Variants in CLGN observed in about 807,000 individuals in gnomAD.
The protein encoded by CLGN is testis tissue sperm-binding protein Li 79P.
In CLGN, 62 loss-of-function variants were observed where a neutral mutation model predicts 79.1. That is an observed-to-expected ratio of 0.78 (90% CI 0.64 to 0.97). The LOEUF (loss-of-function observed/expected upper bound fraction) is 0.97. Ranked by LOEUF, CLGN falls within the 50% of genes least tolerant of loss-of-function variation. CLGN has a pLI of 0.00. For missense variants in CLGN, 647 were observed against 715.5 expected, an observed-to-expected ratio of 0.90 and a Z score of 1.09; for synonymous variants, 225 against 224.7, an observed-to-expected ratio of 1.00 and a Z score of -0.01.
intron 2 of CLGN, among the ~76,000 whole-genome samples, chr4:140,412,308 C>T (rs186325970): frequency 1.9e-3 from 285 of 152,262 alleles, no homozygotes; most frequent in Non-Finnish European, 2.1e-3. Context: ...TGCTTTCTCA[C>T]CACCAAAAAT....
intron 1 of CLGN, among the ~76,000 whole-genome samples, chr4:140,421,328 A>G (rs1384644889): frequency 6.6e-6 from 1 of 152,206 alleles, no homozygotes; most frequent in East Asian, 1.9e-4. Flanking sequence ...CATAAGTTGA[A>G]TTGCTTGGTC....
chr4:140,393,012 T>G (rs189254087), intron 11 of CLGN, among the ~76,000 whole-genome samples: 5 of 152,168 alleles, frequency 3.3e-5, no homozygotes, highest in African/African-American at 1.2e-4. Flanking sequence ...GAACTACCTT[T>G]TATGGATGTA....
At chr4:140,400,601 T>C (rs371712059) in intron 6 of CLGN, 52 bp from the exon 7 acceptor site, 1 of 1,180,470 alleles carries the variant, frequency 8.5e-7, no homozygotes, top group Non-Finnish European at 1.2e-6. Flanking sequence ...GACTATTTAA[T>C]GCATTTCTGT....
rs1729192933 is a variant in CLGN, at chr4:140,410,637, G to T, written c.145-11C>A. 1.4e-6 allele frequency: 2 copies of T among 1,455,218 alleles called. No homozygotes were observed. The highest frequency in any genetic ancestry group is 1.9e-6 in the Non-Finnish European group (2 of 1,043,342). The allele number at this position is 1,455,218 out of a possible 1,614,324, so 90.1% of individuals were successfully genotyped here. ...TGTCTTATATTTAATCTAGAAAAGA[G>T]ATTTTCCAAGTCTAAAGTTATTCAT... On this transcript the variant is annotated splice_polypyrimidine_tract_variant and intron_variant, in intron 2 of 14. Transcript: ENST00000325617.
rs1578602848 is a variant in CLGN, at chr4:140,410,519, A to T, written c.218+34T>A. On this transcript the variant is annotated intron_variant, in intron 3 of 14. Coordinates refer to ENST00000325617, the MANE Select transcript of CLGN (RefSeq NM_004362.3). Reference sequence around the variant, plus strand: ...CTAATAACTTCAAAAAAGCTAATAAATCAAAGAAAACATTCTCTTGAATGA... The same window carrying T: ...CTAATAACTTCAAAAAAGCTAATAATTCAAAGAAAACATTCTCTTGAATGA... 7 of 1,457,798 alleles carry T rather than the reference A, an allele frequency of 4.8e-6. No homozygotes were observed. In the East Asian group the frequency reaches 1.6e-4, roughly 33 times the overall value. The allele number at this position is 1,457,798 out of a possible 1,614,324, so 90.3% of individuals were successfully genotyped here. A position where few individuals can be genotyped will look rare whatever the true frequency, so the allele number is the denominator to read the frequency against.
At chr4:140,399,558 G>T (rs941495008) in intron 7 of CLGN, among the ~76,000 whole-genome samples, 4 of 152,172 alleles carry the variant, frequency 2.6e-5, no homozygotes, top group Admixed American at 2.0e-4. Flanking sequence ...AATGGGCATT[G>T]CCCGAGCAGA....
intron 5 of CLGN, among the ~76,000 whole-genome samples, chr4:140,404,573 A>T (rs1326324671): frequency 6.6e-6 from 1 of 152,198 alleles, no homozygotes; most frequent in African/African-American, 2.4e-5. Context: ...CAATATTAAG[A>T]GGAGACAAAC....
chr4:140,392,317 A>G lies in CLGN; in HGVS notation c.1553T>C (p.Val518Ala). The change falls in exon 13 of 15, where the codon GTA becomes GCA. Residue 518 changes from valine (V) to alanine (A), a missense_variant. Transcript: ENST00000325617. ...TDICIPQTKG[V>A]LEQEEKEEKA... ...CTCTTCCTTTTCTTCTTGCTCTAGT[A>G]CTCCTTTTGTTTGTGGTATACATAT... The G allele has an allele frequency of 1.9e-6, 3 of 1,607,268 alleles. No individual in the cohort carries two copies. The highest frequency in any genetic ancestry group is 1.1e-5 in the South Asian group (1 of 90,722).
At chr4:140,404,496 G>A (rs1729061441) in intron 5 of CLGN, among the ~76,000 whole-genome samples, 1 of 152,114 alleles carries the variant, frequency 6.6e-6, no homozygotes, top group Non-Finnish European at 1.5e-5. Flanking sequence ...GTAAAGTTAT[G>A]TTGTAAATCA....
intron 1 of CLGN, among the ~76,000 whole-genome samples, chr4:140,413,935 C>T (rs1393244846): frequency 6.6e-6 from 1 of 152,258 alleles, no homozygotes; most frequent in Non-Finnish European, 1.5e-5. Context: ...TAGCAGTAAC[C>T]TCTGCAGACT....
At chr4:140,416,444 T>TA (rs1262131936) in intron 1 of CLGN, among the ~76,000 whole-genome samples, 18 of 150,832 alleles carry the variant, frequency 1.2e-4, no homozygotes, top group African/African-American at 4.2e-4. Flanking sequence ...ACAAAATTGA[T>TA]AGACTGCTAG....
In CLGN at chr4:140,405,809, T is replaced by G. The variant is rs1167138836; in HGVS notation, c.419+133A>C. On this transcript the variant is annotated intron_variant, in intron 5 of 14. Transcript: ENST00000325617. ...GATATGTTTGTGTGTATATGCACAT[T>G]TGTGTTTTAACTAAGTGAAACGAAA... The G allele has an allele frequency of 6.4e-6, 5 of 783,894 alleles. No homozygotes were observed. In the African/African-American group the frequency reaches 8.9e-5, roughly 14 times the overall value. The allele number at this position is 783,894 out of a possible 1,614,324, so 48.6% of individuals were successfully genotyped here.
At chr4:140,409,010 A>G (rs1213090726) in intron 4 of CLGN, among the ~76,000 whole-genome samples, 1 of 151,938 alleles carries the variant, frequency 6.6e-6, no homozygotes, top group Non-Finnish European at 1.5e-5. Context: ...GCAAAGGAAG[A>G]CATGCAGGTA....
At chr4:140,418,485 T>A (rs1415616345) in intron 1 of CLGN, among the ~76,000 whole-genome samples, 1 of 145,736 alleles carries the variant, frequency 6.9e-6, no homozygotes, top group South Asian at 2.2e-4. Context: ...GAATCTACAA[T>A]GAACTCAAAC....
intron 1 of CLGN, among the ~76,000 whole-genome samples, chr4:140,421,137 T>C (rs906956986): frequency 6.6e-6 from 1 of 152,142 alleles, no homozygotes; most frequent in African/African-American, 2.4e-5. Flanking sequence ...CAAATTTCCT[T>C]CCTTTTTAAA....
rs375837065 is a variant in CLGN, at chr4:140,407,047, A to G, written c.278-964T>C. Among the ~76,000 whole-genome samples, 25 of 152,268 alleles carry G rather than the reference A, an allele frequency of 1.6e-4. 1 individual carries two copies. In the East Asian group the frequency reaches 4.2e-3, roughly 26 times the overall value. Reference sequence around the variant, plus strand: ...CTAAGAAAAATAATGCAAGAACCAGACACAGTCTTATAAATCAAAGAGGGG... The same window carrying G: ...CTAAGAAAAATAATGCAAGAACCAGGCACAGTCTTATAAATCAAAGAGGGG... On this transcript the variant is annotated intron_variant, in intron 4 of 14. Transcript: ENST00000325617.
intron 4 of CLGN, among the ~76,000 whole-genome samples, chr4:140,407,681 T>C (rs569373915): frequency 1.5e-4 from 22 of 150,612 alleles, no homozygotes; most frequent in African/African-American, 4.9e-4. Context: ...AAAAAAATCA[T>C]AGATGACACA....
intron 4 of CLGN, among the ~76,000 whole-genome samples, chr4:140,408,057 A>G (rs921957685): frequency 2.6e-5 from 4 of 152,018 alleles, no homozygotes; most frequent in Non-Finnish European, 5.9e-5. Context: ...TTGACCAAGC[A>G]TACAAAAATA....
intron 1 of CLGN, among the ~76,000 whole-genome samples, chr4:140,419,798 T>C (rs144495642): frequency 3.3e-4 from 50 of 152,268 alleles, no homozygotes; most frequent in African/African-American, 1.2e-3. Flanking sequence ...AAAAGAGGTA[T>C]AACTGGGATA....
Sources: allele counts gnomAD v4.1 joint callset (sites outside exome capture counted in the v4.1 genomes callset), GRCh38; gene constraint gnomAD v4.1.1; transcripts MANE v1.5; gene names NCBI Gene and HGNC (gene_info 2026-07-23, HGNC 2026-07-21).